CNPY1: variants seen among roughly 807,000 people sequenced by gnomAD.
CNPY1 encodes the protein protein canopy homolog 1.
In CNPY1, 14 loss-of-function variants were observed where a neutral mutation model predicts 14.4. That is an observed-to-expected ratio of 0.97 (90% CI 0.64 to 1.52). The LOEUF (loss-of-function observed/expected upper bound fraction) is 1.52. CNPY1 is among the 40% of genes most tolerant of loss of function. The probability of loss-of-function intolerance (pLI) is 0.00; values close to 1 mark genes in which losing one functional copy is unlikely to be tolerated. For synonymous variants in CNPY1, 43 were observed against 46.5 expected (o/e 0.92, Z 0.31); for missense variants, 129 against 131.5 (o/e 0.98, Z 0.09).
chr7:155,518,516 CAGTGTCTTG>C (rs1428426100), intron 2 of CNPY1: 1 of 152,192 alleles, frequency 6.6e-6, no homozygotes, highest in African/African-American at 2.4e-5. Flanking sequence ...CAGGCACTAC[CAGTGTCTTG>C]AGTGCTGAAT....
At position 155,546,532 on chromosome 7, in the gene CNPY1, T is replaced by G; in HGVS notation, c.-118A>C. 1 of 388,134 alleles carries G rather than the reference T, an allele frequency of 2.6e-6. No homozygotes were observed. The highest frequency in any genetic ancestry group is 4.5e-6 in the Non-Finnish European group (1 of 221,062). 24.0% of individuals were successfully genotyped at this position (388,134 alleles called of 1,614,324 possible). A position where few individuals can be genotyped will look rare whatever the true frequency, so the allele number is the denominator to read the frequency against. On this transcript the variant is annotated 5_prime_UTR_variant, in exon 1 of 5. Coordinates refer to ENST00000636446, the MANE Select transcript of CNPY1 (RefSeq NM_001393663.1). ...TTATTTATTTTTTGAGACAGAGTCT[T>G]GCTCTGTCACCCAGGCTGGAGTGCA...
intron 2 of CNPY1, among the ~76,000 whole-genome samples, chr7:155,530,217 C>T (rs1361608580): frequency 3.3e-5 from 5 of 151,258 alleles, no homozygotes; most frequent in Admixed American, 2.6e-4. Flanking sequence ...CTCTCCACAT[C>T]GGCCCTAACT....
intron 2 of CNPY1, among the ~76,000 whole-genome samples, chr7:155,543,568 C>T (rs940832623): frequency 6.6e-5 from 10 of 152,168 alleles, no homozygotes; most frequent in African/African-American, 2.4e-4. Flanking sequence ...CAGGGGAAGA[C>T]AGTGGAGCTC....
intron 2 of CNPY1, among the ~76,000 whole-genome samples, chr7:155,514,786 CAGG>C (rs1796585037): frequency 6.6e-6 from 1 of 152,050 alleles, no homozygotes; most frequent in South Asian, 2.1e-4. Context: ...CCCAGCTACT[CAGG>C]AGGCTAAGGC....
intron 2 of CNPY1, among the ~76,000 whole-genome samples, chr7:155,542,452 C>T (rs1797095393): frequency 6.6e-6 from 1 of 152,200 alleles, no homozygotes; most frequent in South Asian, 2.1e-4. Flanking sequence ...CTCTGCTTGC[C>T]CTTCGGGGCT....
intron 2 of CNPY1, among the ~76,000 whole-genome samples, chr7:155,523,772 C>G (rs112316177): frequency 1.3e-5 from 2 of 152,286 alleles, no homozygotes; most frequent in African/African-American, 4.8e-5. Flanking sequence ...GTGAATGTGA[C>G]CTTATTCAGA....
chr7:155,509,170 C>T, intron 2 of CNPY1, 73 bp from the exon 3 acceptor site: 1 of 798,830 alleles, frequency 1.3e-6, no homozygotes, highest in Non-Finnish European at 1.9e-6. Context: ...GGCGAGTCCA[C>T]ATGGAAACGC....
In CNPY1 at chr7:155,501,794, C is replaced by A. The variant is rs557747306; in HGVS notation, c.*1274G>T. On this transcript the variant is annotated 3_prime_UTR_variant, in exon 5 of 5. Transcript: ENST00000636446. ...CACAGACAAGACAAAAAAGAAGCAC[C>A]CAAGTAATTAAGTGACATTAACTCA... The A allele has an allele frequency of 6.6e-6, 1 of 152,156 alleles. No individual in the cohort carries two copies. Among genetic ancestry groups the A allele is most frequent in the Admixed American group, 6.5e-5 (1 of 15,284 alleles). 9.4% of individuals were successfully genotyped at this position (152,156 alleles called of 1,614,324 possible).
At chr7:155,516,007 G>A (rs571892241) in intron 2 of CNPY1, among the ~76,000 whole-genome samples, 10 of 128,544 alleles carry the variant, frequency 7.8e-5, no homozygotes, top group Non-Finnish European at 1.0e-4. Flanking sequence ...GAACGTGCAC[G>A]CGTGTGTGTG....
intron 3 of CNPY1, among the ~76,000 whole-genome samples, chr7:155,508,247 T>C (rs1256018946): frequency 1.3e-5 from 2 of 152,206 alleles, no homozygotes; most frequent in Non-Finnish European, 2.9e-5. Context: ...GAGACTAGCA[T>C]TCACAAAAAA....
At chr7:155,534,351 A>G (rs1796996638) in intron 2 of CNPY1, among the ~76,000 whole-genome samples, 1 of 118,180 alleles carries the variant, frequency 8.5e-6, no homozygotes, top group Admixed American at 8.4e-5. Context: ...GCACACATGC[A>G]CACACGTGCA....
chr7:155,538,735 C>T (rs939636026), intron 2 of CNPY1, among the ~76,000 whole-genome samples: 6 of 152,200 alleles, frequency 3.9e-5, no homozygotes, highest in African/African-American at 1.4e-4. Context: ...AGACCCCATG[C>T]AAAGCTGTTC....
intron 4 of CNPY1, among the ~76,000 whole-genome samples, chr7:155,505,229 G>A (rs956174590): frequency 1.4e-4 from 21 of 152,052 alleles, no homozygotes; most frequent in African/African-American, 5.1e-4. Context: ...GACTCACCCC[G>A]CTTCACTACG....
chr7:155,507,459 C>T (rs1466290689), intron 3 of CNPY1, among the ~76,000 whole-genome samples: 1 of 62,528 alleles, frequency 1.6e-5, no homozygotes, highest in Non-Finnish European at 2.5e-5. Context: ...AAAAGTCCAA[C>T]GGTTTTTAAA....
intron 2 of CNPY1, among the ~76,000 whole-genome samples, chr7:155,529,910 G>A (rs1447883695): frequency 6.6e-6 from 1 of 151,974 alleles, no homozygotes; most frequent in African/African-American, 2.4e-5. Flanking sequence ...AGCCTCCCGA[G>A]TAACTGGGAT....
intron 2 of CNPY1, among the ~76,000 whole-genome samples, chr7:155,519,343 G>C (rs1180731035): frequency 2.0e-5 from 3 of 151,972 alleles, no homozygotes; most frequent in African/African-American, 4.8e-5. Context: ...AACATAGTGA[G>C]AGCTTGTCTC....
At chr7:155,517,285 C>A (rs577086745) in intron 2 of CNPY1, among the ~76,000 whole-genome samples, 2 of 152,032 alleles carry the variant, frequency 1.3e-5, no homozygotes, top group Admixed American at 6.6e-5. Context: ...CATGTGAGGA[C>A]GCAGAGGGAA....
intron 2 of CNPY1, among the ~76,000 whole-genome samples, chr7:155,528,493 C>G (rs895475484): frequency 6.6e-6 from 1 of 152,194 alleles, no homozygotes; most frequent in Non-Finnish European, 1.5e-5. Flanking sequence ...GCTGGGATCA[C>G]TTCTTCATTC....
At chr7:155,538,193 A>C (rs1797044983) in intron 2 of CNPY1, among the ~76,000 whole-genome samples, 1 of 152,220 alleles carries the variant, frequency 6.6e-6, no homozygotes, top group Admixed American at 6.5e-5. Flanking sequence ...TAATTTTCTT[A>C]TTAAGGTGGC....
Sources: allele counts gnomAD v4.1 joint callset (sites outside exome capture counted in the v4.1 genomes callset), GRCh38; gene constraint gnomAD v4.1.1; transcripts MANE v1.5; gene names NCBI Gene and HGNC (gene_info 2026-07-23, HGNC 2026-07-21).